The following ANTXR1 variants were observed in gnomAD, a reference collection of about 807,000 sequenced individuals.
The protein encoded by ANTXR1 is ANTXR cell adhesion molecule 1.
A neutral mutation model predicts 78.1 loss-of-function variants in ANTXR1; 19 were observed. That is an observed-to-expected ratio of 0.24 (90% CI 0.17 to 0.36). ANTXR1 has a LOEUF of 0.36. Ranked by LOEUF, ANTXR1 falls within the 10% of genes least tolerant of loss-of-function variation. The pLI is 1.00. For missense variants in ANTXR1, 518 were observed against 718.6 expected, an observed-to-expected ratio of 0.72 and a Z score of 3.19; for synonymous variants, 273 against 260.5, an observed-to-expected ratio of 1.05 and a Z score of -0.46.
intron 17 of ANTXR1, among the ~76,000 whole-genome samples, chr2:69,202,857 T>G (rs984644353): frequency 2.0e-5 from 3 of 152,186 alleles, no homozygotes; most frequent in Non-Finnish European, 4.4e-5. Context: ...CAGGATTAAA[T>G]AAAATGGTAG....
intron 10 of ANTXR1, among the ~76,000 whole-genome samples, chr2:69,109,311 T>C (rs1417071497): frequency 6.6e-6 from 1 of 152,358 alleles, no homozygotes; most frequent in East Asian, 1.9e-4. Context: ...TGTCTTCATC[T>C]TAATATCTAC....
intron 14 of ANTXR1, 67 bp downstream of exon 14, chr2:69,170,356 G>A: frequency 6.4e-7 from 1 of 1,565,820 alleles, no homozygotes; most frequent in Non-Finnish European, 8.8e-7. Context: ...AGCTGGCTGG[G>A]CAGCTGGACA....
At chr2:69,121,449 C>G (rs1672344387) in intron 10 of ANTXR1, among the ~76,000 whole-genome samples, 1 of 152,142 alleles carries the variant, frequency 6.6e-6, no homozygotes, top group Non-Finnish European at 1.5e-5. Flanking sequence ...TAACTTTTCA[C>G]CACTTGAAGA....
intron 14 of ANTXR1, among the ~76,000 whole-genome samples, chr2:69,179,224 T>C (rs1048191614): frequency 3.3e-5 from 5 of 152,226 alleles, no homozygotes; most frequent in African/African-American, 1.2e-4. Flanking sequence ...GTTGGGGACT[T>C]TATTTTGTTA....
At chr2:69,196,335 T>G (rs973038798) in intron 17 of ANTXR1, among the ~76,000 whole-genome samples, 1 of 152,254 alleles carries the variant, frequency 6.6e-6, no homozygotes, top group Non-Finnish European at 1.5e-5. Context: ...TAAGTGCCCT[T>G]TCTTTATGGA....
At chr2:69,060,085 G>A (rs1024154111) in intron 3 of ANTXR1, among the ~76,000 whole-genome samples, 1 of 152,102 alleles carries the variant, frequency 6.6e-6, no homozygotes, top group Non-Finnish European at 1.5e-5. Context: ...GCTCCTCTTT[G>A]TCAGCTTCCC....
At chr2:69,194,438 C>T (rs139558094) in intron 17 of ANTXR1, among the ~76,000 whole-genome samples, 1 of 152,344 alleles carries the variant, frequency 6.6e-6, no homozygotes, top group South Asian at 2.1e-4. Context: ...AAGCTCCAGG[C>T]AAATCACCTG....
chr2:69,095,998 C>G (rs1349209465), intron 9 of ANTXR1, among the ~76,000 whole-genome samples: 1 of 152,054 alleles, frequency 6.6e-6, no homozygotes, highest in African/African-American at 2.4e-5. Context: ...GTGGCTCACG[C>G]CTGTAATCCC....
intron 3 of ANTXR1, among the ~76,000 whole-genome samples, chr2:69,047,647 G>A (rs1365269262): frequency 2.6e-5 from 4 of 151,976 alleles, no homozygotes; most frequent in Non-Finnish European, 4.4e-5. Flanking sequence ...GTTGGGGGGG[G>A]AAATTCTGGA....
chr2:69,172,441 A>G (rs1674015563), intron 14 of ANTXR1: 1 of 1,593,594 alleles, frequency 6.3e-7, no homozygotes, highest in Non-Finnish European at 8.5e-7. Flanking sequence ...CAGCCCGTGC[A>G]ACGTATTTTA....
At chr2:69,061,502 T>A in intron 3 of ANTXR1, among the ~76,000 whole-genome samples, 3 of 131,876 alleles carry the variant, frequency 2.3e-5, no homozygotes, top group African/African-American at 3.4e-5. Context: ...AAAAAACAAC[T>A]GCCAAAAAAA....
chr2:69,077,111 A>G (rs561594307), intron 7 of ANTXR1: 6 of 456,662 alleles, frequency 1.3e-5, no homozygotes, highest in African/African-American at 9.8e-5. Context: ...ATTTATAAAC[A>G]TATCAACCCA....
At chr2:69,122,548 T>C (rs1672382353) in intron 10 of ANTXR1, among the ~76,000 whole-genome samples, 1 of 152,210 alleles carries the variant, frequency 6.6e-6, no homozygotes, top group Non-Finnish European at 1.5e-5. Context: ...GCACTTGAGT[T>C]CACTGCTAAT....
intron 3 of ANTXR1, among the ~76,000 whole-genome samples, chr2:69,053,307 A>T (rs1669979583): frequency 1.3e-5 from 2 of 152,332 alleles, no homozygotes; most frequent in Middle Eastern, 3.4e-3. Context: ...GCATAATTTT[A>T]TCTTAGGCAG....
intron 10 of ANTXR1, among the ~76,000 whole-genome samples, chr2:69,119,661 G>A (rs1398690484): frequency 1.3e-5 from 2 of 151,922 alleles, no homozygotes; most frequent in Non-Finnish European, 2.9e-5. Flanking sequence ...TGAGCCTAAT[G>A]ATCCCTGCCC....
At chr2:69,053,926 T>A (rs1669999695) in intron 3 of ANTXR1, among the ~76,000 whole-genome samples, 1 of 152,214 alleles carries the variant, frequency 6.6e-6, no homozygotes, top group Non-Finnish European at 1.5e-5. Flanking sequence ...ACATACTGCC[T>A]CTGCATGTAT....
At chr2:69,165,049 T>C (rs769062601) in intron 13 of ANTXR1, among the ~76,000 whole-genome samples, 1 of 152,186 alleles carries the variant, frequency 6.6e-6, no homozygotes, top group Non-Finnish European at 1.5e-5. Context: ...CAGCAGGTAC[T>C]TTGTCAGAAA....
At chr2:69,209,274 G>A (rs909101061) in intron 17 of ANTXR1, among the ~76,000 whole-genome samples, 1 of 152,178 alleles carries the variant, frequency 6.6e-6, no homozygotes, top group Admixed American at 6.5e-5. Context: ...GAGCAATAAT[G>A]ATGGTTCATG....
chr2:69,153,091 G>A (rs1673439347), intron 13 of ANTXR1, among the ~76,000 whole-genome samples: 1 of 152,210 alleles, frequency 6.6e-6, no homozygotes, highest in African/African-American at 2.4e-5. Context: ...AAATCAGTGT[G>A]TGCTGTGAAG....
Sources: gnomAD v4.1 joint callset for allele counts (sites outside exome capture counted in the v4.1 genomes callset) on GRCh38, gnomAD v4.1.1 for gene constraint, MANE v1.5 for transcripts, NCBI Gene and HGNC (gene_info 2026-07-23, HGNC 2026-07-21) for gene names.